Variants in PLEKHA6 observed in about 807,000 individuals in gnomAD.
The protein encoded by PLEKHA6 is pleckstrin homology domain-containing family A member 6.
A neutral mutation model predicts 116.7 loss-of-function variants in PLEKHA6; 60 were observed. The ratio of observed to expected loss-of-function variants is 0.51; its 90% CI spans 0.42 to 0.64. The LOEUF (loss-of-function observed/expected upper bound fraction) is 0.64. PLEKHA6 is among the 30% of genes least tolerant of loss of function. The pLI, the probability that PLEKHA6 is intolerant of heterozygous loss-of-function variation, is 0.00. For synonymous variants in PLEKHA6, 489 were observed against 556.1 expected (o/e 0.88, Z 1.70); for missense variants, 1,338 against 1,422.7 (o/e 0.94, Z 0.96).
intron 1 of PLEKHA6, among the ~76,000 whole-genome samples, chr1:204,306,090 C>T (rs1035374804): frequency 4.6e-4 from 70 of 152,286 alleles, no homozygotes; most frequent in African/African-American, 1.6e-3. Context: ...TCCATCCACC[C>T]CATATTCTTT....
intron 1 of PLEKHA6, among the ~76,000 whole-genome samples, chr1:204,306,376 C>CG (rs1558167314): frequency 6.6e-6 from 1 of 152,120 alleles, no homozygotes; most frequent in African/African-American, 2.4e-5. Context: ...CCTAGGAAGA[C>CG]GGGGCCACAT....
chr1:204,342,688 AAC>A (rs1366982338), intron 1 of PLEKHA6, among the ~76,000 whole-genome samples: 1 of 152,198 alleles, frequency 6.6e-6, no homozygotes, highest in Non-Finnish European at 1.5e-5. Context: ...TGTCTGTGAA[AAC>A]AGTCACTCTG....
upstream of PLEKHA6, among the ~76,000 whole-genome samples, chr1:204,361,399 GA>G (rs1278067489): frequency 1.3e-5 from 2 of 152,186 alleles, no homozygotes; most frequent in Non-Finnish European, 2.9e-5. Flanking sequence ...TGGTTGGTGT[GA>G]AGGCTGTGGC....
intron 1 of PLEKHA6, among the ~76,000 whole-genome samples, chr1:204,358,130 G>A (rs1323012357): frequency 6.6e-6 from 1 of 152,204 alleles, no homozygotes. Flanking sequence ...TTACACACCA[G>A]TGCTAACACA....
Position 204,249,195 on chromosome 1 carries a change from G to A in PLEKHA6, c.1663C>T (p.Arg555Ter), listed in dbSNP as rs1425760374. 4.3e-6 allele frequency: 7 copies of A among 1,612,326 alleles called. No homozygotes were observed. Among genetic ancestry groups the A allele is most frequent in the African/African-American group, 2.7e-5 (2 of 74,858 alleles). Residue 555 changes from arginine (R) to a stop codon, truncating the protein, a stop_gained, in exon 11 of 23, where the codon CGA becomes TGA. Coordinates refer to ENST00000272203, the MANE Select transcript of PLEKHA6 (RefSeq NM_014935.5). LOFTEE classifies it high-confidence loss of function. ...REQDRLVQQL[R>*]AEKESLESAL... Reference sequence around the variant, plus strand: ...CCCCAGCTTCTCACCTTCTCAGCTCGGAGCTGCTGCACCAGCCGGTCCTGC... The same window carrying A: ...CCCCAGCTTCTCACCTTCTCAGCTCAGAGCTGCTGCACCAGCCGGTCCTGC...
chr1:204,241,741 C>A lies in PLEKHA6; in HGVS notation c.2246G>T (p.Ser749Ile), dbSNP rs1176725246. The A allele has an allele frequency of 6.2e-7, 1 of 1,613,318 alleles. No homozygotes were observed. Among genetic ancestry groups the A allele is most frequent in the East Asian group, 2.2e-5 (1 of 44,902 alleles). ...TACCTCTTGCCTGGTGGGCACAAGG[C>A]TGATGTCTCTGGGGGTGTCCAGGGG... ...TLPLDTPRDI[S>I]LVPTRQEVEA... The change falls in exon 16 of 23, where the codon AGC becomes ATC. Residue 749 changes from serine to isoleucine, a missense_variant. Ser to Ile is a moderately radical substitution (Grantham distance 142, BLOSUM62 -2). This residue lies in a region of PLEKHA6 where 1,136 missense variants were observed against 1,163.6 expected (regional missense o/e 0.98). Transcript: ENST00000272203.
chr1:204,365,340 C>T (rs967667095), intron 3 of PLEKHA6, among the ~76,000 whole-genome samples: 6 of 152,130 alleles, frequency 3.9e-5, no homozygotes, highest in South Asian at 2.1e-4. Context: ...GCAGGAAGAT[C>T]AGTTGGAAAG....
exon 2 of PLEKHA6, chr1:204,371,568 G>T (rs1171892545): frequency 1.3e-5 from 2 of 152,274 alleles, no homozygotes; most frequent in African/African-American, 4.8e-5. Flanking sequence ...GGGTGACTTT[G>T]TTCCAGGGTG....
chr1:204,349,126 G>C (rs538721751), intron 1 of PLEKHA6, among the ~76,000 whole-genome samples: 2 of 152,228 alleles, frequency 1.3e-5, no homozygotes, highest in African/African-American at 4.8e-5. Context: ...CCCTGAGACA[G>C]CAGACAAGAG....
intron 15 of PLEKHA6, among the ~76,000 whole-genome samples, chr1:204,244,164 C>A (rs7418786): frequency 0.52 from 78,272 of 151,386 alleles, 20,863 homozygotes; most frequent in African/African-American, 0.66. Flanking sequence ...ATGGAGTCTC[C>A]CTCTGTCACC....
At chr1:204,345,359 C>T (rs1271816183) in intron 1 of PLEKHA6, among the ~76,000 whole-genome samples, 3 of 152,178 alleles carry the variant, frequency 2.0e-5, no homozygotes, top group African/African-American at 7.2e-5. Flanking sequence ...AGCTTGACCA[C>T]ACACAGCCCA....
chr1:204,310,150 A>G (rs1304913914), intron 1 of PLEKHA6, among the ~76,000 whole-genome samples: 1 of 152,052 alleles, frequency 6.6e-6, no homozygotes, highest in African/African-American at 2.4e-5. Context: ...ACAGCCTCTC[A>G]GGAAGGATGT....
At chr1:204,281,220 A>T (rs184922114) in intron 1 of PLEKHA6, 1 of 152,758 alleles carries the variant, frequency 6.5e-6, no homozygotes, top group East Asian at 1.9e-4. Context: ...CTCTAAAAAA[A>T]ACCAAAAACA....
intron 1 of PLEKHA6, among the ~76,000 whole-genome samples, chr1:204,330,821 C>A (rs1572190617): frequency 6.6e-6 from 1 of 152,192 alleles, no homozygotes; most frequent in African/African-American, 2.4e-5. Context: ...CCCTAGATCA[C>A]CCTGGCTCAG....
upstream of PLEKHA6, among the ~76,000 whole-genome samples, chr1:204,361,490 C>A (rs911838131): frequency 2.0e-5 from 3 of 152,204 alleles, no homozygotes; most frequent in Non-Finnish European, 2.9e-5. Flanking sequence ...GTCTTTCCCA[C>A]CCCAGGGCAG....
chr1:204,262,596 T>C (rs1434610771), intron 6 of PLEKHA6, among the ~76,000 whole-genome samples: 1 of 151,652 alleles, frequency 6.6e-6, no homozygotes, highest in Non-Finnish European at 1.5e-5. Flanking sequence ...TCTCTGGGGG[T>C]TGAGATAGCT....
rs144671959 is a variant in PLEKHA6 at position 204,263,685 on chromosome 1, T to G, written c.381+1257A>C. Reference sequence around the variant, plus strand: ...TGGCAGAGCTCCGAGCTGGAACGTGTCTGTGTCTCTGCACAGGTCTGGTGG... The same window carrying G: ...TGGCAGAGCTCCGAGCTGGAACGTGGCTGTGTCTCTGCACAGGTCTGGTGG... On this transcript the variant is annotated intron_variant, in intron 6 of 22. Coordinates refer to ENST00000272203, the MANE Select transcript of PLEKHA6 (RefSeq NM_014935.5). Among the ~76,000 whole-genome samples the G allele has an allele frequency of 2.6e-3, 399 of 152,216 alleles. 4 individuals are homozygous for G. Among genetic ancestry groups the G allele is most frequent in the African/African-American group, 9.2e-3 (384 of 41,530 alleles).
At chr1:204,328,058 ATTTAT>A (rs1672308886) in intron 1 of PLEKHA6, among the ~76,000 whole-genome samples, 1 of 125,994 alleles carries the variant, frequency 7.9e-6, no homozygotes, top group Non-Finnish European at 1.7e-5. Flanking sequence ...TTATTTATTT[ATTTAT>A]TTATTTATTT....
intron 17 of PLEKHA6, 42 bp downstream of exon 17, chr1:204,241,333 G>A (rs371452745): frequency 5.0e-5 from 64 of 1,274,194 alleles, no homozygotes; most frequent in Non-Finnish European, 4.5e-5. Flanking sequence ...CCCTGGGCTC[G>A]CAGCCCAGCT....
Sources: allele counts gnomAD v4.1 joint callset (sites outside exome capture counted in the v4.1 genomes callset), GRCh38; gene constraint gnomAD v4.1.1; regional missense constraint gnomAD v4.1.1; transcripts MANE v1.5; gene names NCBI Gene and HGNC (gene_info 2026-07-23, HGNC 2026-07-21).